Variants in POTEI observed in about 807,000 individuals in gnomAD.
The protein encoded by POTEI is POTE ankyrin domain family, member I.
A neutral mutation model predicts 43.4 loss-of-function variants in POTEI; 14 were observed. That is an observed-to-expected ratio of 0.32 (90% CI 0.21 to 0.50). The LOEUF (loss-of-function observed/expected upper bound fraction) is 0.50. Among genes scored for constraint, POTEI ranks in the 20% least tolerant of loss-of-function variants. POTEI has a pLI of 0.98. For missense variants in POTEI, 235 were observed against 795.4 expected (o/e 0.30, Z 8.47); for synonymous variants, 95 against 297.9 (o/e 0.32, Z 7.01).
At position 130,463,830 on chromosome 2, in the gene POTEI, G is replaced by C; in HGVS notation, c.2214C>G (p.Pro738=). The C allele has an allele frequency of 6.5e-7, 1 of 1,533,026 alleles. No homozygotes were observed. Among genetic ancestry groups the C allele is most frequent in the South Asian group, 1.2e-5 (1 of 86,756 alleles). 95.0% of individuals were successfully genotyped at this position (1,533,026 alleles called of 1,614,324 possible). The part of the protein sequence containing the change: ...RAVFPSIVGR[P]RQQGMMGGMH... ...TGCCCCCCATCATGCCCTGCTGCCT[G>C]GGGCGCCCCACGATGGAAGGGAAGA... Residue 738 remains proline (P), a synonymous_variant, in exon 15 of 15, where the codon CCC becomes CCG. Transcript: ENST00000451531.
rs1341014029 is a variant in POTEI, at chr2:130,462,423, A to G, written c.*393T>C. The G allele has an allele frequency of 1.3e-5, 3 of 223,548 alleles. No homozygotes were observed. The highest frequency in any genetic ancestry group is 2.6e-5 in the Non-Finnish European group (3 of 115,310). 13.8% of individuals were successfully genotyped at this position (223,548 alleles called of 1,614,324 possible). Reference sequence around the variant, plus strand: ...AAGGCGAAGATTCAAAAAATTTTGCATTATGTAATCTGCACAAAAGCAATG... The same window carrying G: ...AAGGCGAAGATTCAAAAAATTTTGCGTTATGTAATCTGCACAAAAGCAATG... On this transcript the variant is annotated 3_prime_UTR_variant, in exon 15 of 15. Coordinates refer to ENST00000451531, the MANE Select transcript of POTEI (RefSeq NM_001277406.2).
intron 9 of POTEI, among the ~76,000 whole-genome samples, chr2:130,483,629 C>T (rs1416260210): frequency 8.2e-5 from 9 of 109,294 alleles, no homozygotes; most frequent in Non-Finnish European, 1.2e-4. Flanking sequence ...GAGTCTTGCT[C>T]TGTCACCCAG....
At chr2:130,492,971 C>T (rs1273249911) in intron 6 of POTEI, among the ~76,000 whole-genome samples, 3 of 150,894 alleles carry the variant, frequency 2.0e-5, no homozygotes, top group South Asian at 4.2e-4. Flanking sequence ...AAATACTAGC[C>T]TATACAAAAA....
chr2:130,468,927 G>A (rs1415068924), intron 13 of POTEI, among the ~76,000 whole-genome samples: 1 of 151,916 alleles, frequency 6.6e-6, no homozygotes, highest in Admixed American at 6.5e-5. Flanking sequence ...CACTAGTATT[G>A]TACAGAGAAA....
chr2:130,507,241 G>T (rs1235162637), intron 1 of POTEI, among the ~76,000 whole-genome samples: 1 of 64,512 alleles, frequency 1.6e-5, no homozygotes, highest in African/African-American at 4.8e-5. Flanking sequence ...TCCAGCTTGG[G>T]CTACAGAGTG....
rs1454550749 is a variant in POTEI, at chr2:130,461,583, C to T, written c.*1233G>A. ...GTCACCGAAAGAGCAAAGGTGGGGG[C>T]CTGCCCCTCTCCGGGAGCTCTGTCC... On this transcript the variant is annotated 3_prime_UTR_variant, in exon 15 of 15. Transcript: ENST00000451531. 1 of 152,128 alleles carries T rather than the reference C, an allele frequency of 6.6e-6. No individual in the cohort carries two copies. Among genetic ancestry groups the T allele is most frequent in the Non-Finnish European group, 1.5e-5 (1 of 68,038 alleles). The allele number at this position is 152,128 out of a possible 1,614,324, so 9.4% of individuals were successfully genotyped here.
chr2:130,508,762 G>A lies in POTEI; in HGVS notation c.474C>T (p.Ile158=), dbSNP rs1168223406. The A allele has an allele frequency of 5.8e-6, 8 of 1,376,466 alleles. No individual in the cohort carries two copies. Among genetic ancestry groups the A allele is most frequent in the South Asian group, 2.5e-5 (2 of 78,598 alleles). 85.3% of individuals were successfully genotyped at this position (1,376,466 alleles called of 1,614,324 possible). Residue 158 remains isoleucine, a synonymous_variant, in exon 1 of 15, where the codon ATC becomes ATT. Transcript: ENST00000451531. Reference sequence around the variant, plus strand: ...TCACGTCAGTGTCCCTGAGCATGACGATCAGATCCTTTCTGGCGACTTTAC... The same window carrying A: ...TCACGTCAGTGTCCCTGAGCATGACAATCAGATCCTTTCTGGCGACTTTAC... ...WWGKVARKDL[I]VMLRDTDVNK... is the part of the protein sequence containing the mutation.
chr2:130,468,932 G>A (rs1482591240), intron 13 of POTEI, among the ~76,000 whole-genome samples: 2 of 151,730 alleles, frequency 1.3e-5, no homozygotes, highest in African/African-American at 4.8e-5. Context: ...GTATTGTACA[G>A]AGAAAAAAGT....
chr2:130,479,042 T>G (rs943175895), intron 10 of POTEI, among the ~76,000 whole-genome samples: 3 of 127,318 alleles, frequency 2.4e-5, no homozygotes, highest in Non-Finnish European at 3.2e-5. Flanking sequence ...AATTTCCTAC[T>G]CCTTCCTCAT....
intron 10 of POTEI, among the ~76,000 whole-genome samples, chr2:130,480,516 A>T (rs2672205): frequency 4.1e-5 from 6 of 145,966 alleles, no homozygotes; most frequent in Non-Finnish European, 4.5e-5. Flanking sequence ...GCAAACACAC[A>T]ATCTCACTCC....
intron 1 of POTEI, among the ~76,000 whole-genome samples, chr2:130,507,048 AG>A (rs1279065760): frequency 6.8e-6 from 1 of 147,806 alleles, no homozygotes; most frequent in African/African-American, 2.5e-5. Context: ...GTGGATCACG[AG>A]GACAGGAGTT....
At chr2:130,469,113 G>A (rs1283837027) in intron 13 of POTEI, among the ~76,000 whole-genome samples, 2 of 82,626 alleles carry the variant, frequency 2.4e-5, no homozygotes, top group Non-Finnish European at 2.5e-5. Flanking sequence ...ATTATACAGA[G>A]AACTCTTCTG....
At chr2:130,467,386 C>A (rs1234641066) in intron 13 of POTEI, among the ~76,000 whole-genome samples, 3 of 109,928 alleles carry the variant, frequency 2.7e-5, no homozygotes, top group East Asian at 2.6e-4. Flanking sequence ...GATCTCTGAG[C>A]AAGGATACAA....
chr2:130,502,083 C>T lies in POTEI; in HGVS notation c.810+1363G>A, dbSNP rs556305931. Among the ~76,000 whole-genome samples the T allele has an allele frequency of 7.4e-4, 36 of 48,346 alleles. 1 individual carries two copies. Among genetic ancestry groups the T allele is most frequent in the African/African-American group, 1.5e-3 (36 of 23,258 alleles). 31.7% of individuals were successfully genotyped at this position (48,346 alleles called of 152,430 possible). The stretch of plus-strand genomic sequence containing the variant: ...ATTTTGAGAAAATTGTTGTTGTTGT[C>T]GTCGTCGTTGTTGTTGTTGTTGTTG... On this transcript the variant is annotated intron_variant, in intron 3 of 14. Transcript: ENST00000451531.
At chr2:130,496,440 C>G in intron 6 of POTEI, 112 bp downstream of exon 6, 1 of 612,486 alleles carries the variant, frequency 1.6e-6, no homozygotes, top group Non-Finnish European at 2.7e-6. Context: ...AATCCTGAAA[C>G]CATCCCCACC....
chr2:130,489,548 A>G (rs1261968543), intron 7 of POTEI, among the ~76,000 whole-genome samples: 5 of 9,126 alleles, frequency 5.5e-4, no homozygotes, highest in African/African-American at 5.9e-4. Context: ...ACGAAGAAAA[A>G]AAACGTGAAC....
intron 13 of POTEI, among the ~76,000 whole-genome samples, chr2:130,470,181 A>G (rs1683010357): frequency 7.4e-6 from 1 of 134,708 alleles, no homozygotes; most frequent in African/African-American, 2.8e-5. Context: ...TTCATTTAAT[A>G]CCTATTTATT....
At chr2:130,468,712 G>GC (rs1333987073) in intron 13 of POTEI, among the ~76,000 whole-genome samples, 3 of 149,346 alleles carry the variant, frequency 2.0e-5, no homozygotes, top group South Asian at 2.2e-4. Flanking sequence ...TTGGGGGGGG[G>GC]GGTATCCTTA....
At position 130,461,926 on chromosome 2, in the gene POTEI, A is replaced by G. The variant is rs540893571; in HGVS notation, c.*890T>C. 2 of 152,304 alleles carry G rather than the reference A, an allele frequency of 1.3e-5. No homozygotes were observed. Among genetic ancestry groups the G allele is most frequent in the East Asian group, 3.9e-4 (2 of 5,162 alleles). 9.4% of individuals were successfully genotyped at this position (152,304 alleles called of 1,614,324 possible). On this transcript the variant is annotated 3_prime_UTR_variant, in exon 15 of 15. Coordinates refer to ENST00000451531, the MANE Select transcript of POTEI (RefSeq NM_001277406.2). ...TTTTAGCCTGTTGATTTTACTGTCT[A>G]CGTTAGACTTGTTGAGAAAGAATCT...
Sources: allele counts gnomAD v4.1 joint callset (sites outside exome capture counted in the v4.1 genomes callset), GRCh38; gene constraint gnomAD v4.1.1; transcripts MANE v1.5; gene names NCBI Gene and HGNC (gene_info 2026-07-23, HGNC 2026-07-21).